Variants in BRWD1 observed in about 807,000 individuals in gnomAD.
BRWD1 encodes bromodomain and WD repeat domain containing 1.
In BRWD1, 82 loss-of-function variants were observed where a neutral mutation model predicts 251.2. The observed-to-expected ratio is 0.33, with a 90% CI of 0.27 to 0.39. The LOEUF (loss-of-function observed/expected upper bound fraction) is 0.39, where lower values mean the gene tolerates loss of function less well. BRWD1 is among the 10% of genes least tolerant of loss of function. The probability of loss-of-function intolerance (pLI) is 1.00; values close to 1 mark genes in which losing one functional copy is unlikely to be tolerated. For synonymous variants in BRWD1, 918 were observed against 902.8 expected, an observed-to-expected ratio of 1.02 and a Z score of -0.30; for missense variants, 2,233 against 2,711.6, an observed-to-expected ratio of 0.82 and a Z score of 3.92.
chr21:39,193,664 A>G lies in BRWD1; in HGVS notation c.*2595T>C, dbSNP rs1007121227. On this transcript the variant is annotated 3_prime_UTR_variant, in exon 41 of 41. Transcript: ENST00000342449. ...TTCAAGTGCAGTGGAAAGGTACAGC[A>G]CTTATTTCTGGATCAGTTCACATTC... 1.2e-5 allele frequency: 12 copies of G among 985,396 alleles called. No individual in the cohort carries two copies. Among genetic ancestry groups the G allele is most frequent in the Non-Finnish European group, 1.4e-5 (12 of 829,714 alleles). 61.0% of individuals were successfully genotyped at this position (985,396 alleles called of 1,614,324 possible). A position where few individuals can be genotyped will look rare whatever the true frequency, so the allele number is the denominator to read the frequency against.
intron 8 of BRWD1, among the ~76,000 whole-genome samples, chr21:39,286,265 G>C (rs1016834999): frequency 6.6e-6 from 1 of 151,814 alleles, no homozygotes; most frequent in Non-Finnish European, 1.5e-5. Flanking sequence ...TGATCTGCCC[G>C]CCTCGGCCTC....
Position 39,206,161 on chromosome 21 carries a change from C to T in BRWD1, c.4311G>A (p.Arg1437=), listed in dbSNP as rs774430452. ...CTTTACAATTTTGCCGTTGCTTGAA[C>T]CTCTGGCTTCTTCGAAGTTTTTCAT... The part of the protein sequence containing the change: ...KFNEKLRRSQ[R]FKQRQNCKGD... Residue 1437 remains arginine, a synonymous_variant, in exon 37 of 41, where the codon AGG becomes AGA. Transcript: ENST00000342449. 1 of 1,613,748 alleles carries T rather than the reference C, an allele frequency of 6.2e-7. No individual in the cohort carries two copies.
At chr21:39,311,589 T>C (rs2036485991) in intron 4 of BRWD1, among the ~76,000 whole-genome samples, 1 of 152,240 alleles carries the variant, frequency 6.6e-6, no homozygotes, top group African/African-American at 2.4e-5. Context: ...AAGGCTATAT[T>C]ATCCGTGAAG....
At position 39,187,545 on chromosome 21, in the gene BRWD1, A is replaced by T; in HGVS notation, c.*8714T>A. The T allele has an allele frequency of 7.2e-7, 1 of 1,397,812 alleles. No individual in the cohort carries two copies. Among genetic ancestry groups the T allele is most frequent in the African/African-American group, 1.5e-5 (1 of 68,434 alleles). The allele number at this position is 1,397,812 out of a possible 1,614,324, so 86.6% of individuals were successfully genotyped here. ...TAAAAGTCATATTGCTAAATGATAA[A>T]TTTTAAAATGTGATACTAAGGGCTT... On this transcript the variant is annotated 3_prime_UTR_variant, in exon 41 of 41. Transcript: ENST00000342449.
intron 18 of BRWD1, among the ~76,000 whole-genome samples, chr21:39,257,245 G>A (rs1289576636): frequency 6.6e-6 from 1 of 151,348 alleles, no homozygotes; most frequent in Non-Finnish European, 1.5e-5. Flanking sequence ...TCTGTGAACT[G>A]ATACGATTTC....
At chr21:39,255,951 T>A in intron 18 of BRWD1, 123 bp from the exon 19 acceptor site, 1 of 874,588 alleles carries the variant, frequency 1.1e-6, no homozygotes, top group Non-Finnish European at 1.7e-6. Flanking sequence ...GAAGATAGTA[T>A]CTACTGAAAA....
chr21:39,194,457 A>T lies in BRWD1; in HGVS notation c.*1802T>A, dbSNP rs1293578377. On this transcript the variant is annotated 3_prime_UTR_variant, in exon 41 of 41. Coordinates refer to ENST00000342449, the MANE Select transcript of BRWD1 (RefSeq NM_033656.4). ...TAGTCAAGGACAATTATCATGAATCAATCTGTTTACTATCTACTTAACACA... is the reference window on the plus strand; with the variant it reads ...TAGTCAAGGACAATTATCATGAATCTATCTGTTTACTATCTACTTAACACA... 6.0e-6 allele frequency: 8 copies of T among 1,341,510 alleles called. No homozygotes were observed. The highest frequency in any genetic ancestry group is 7.6e-6 in the Non-Finnish European group (8 of 1,048,800). 83.1% of individuals were successfully genotyped at this position (1,341,510 alleles called of 1,614,324 possible).
rs146641835 is a variant in BRWD1 at position 39,196,239 on chromosome 21, G to A, written c.*20C>T. 2.0e-5 allele frequency: 31 copies of A among 1,533,874 alleles called. No individual in the cohort carries two copies. The African/African-American group carries it at 3.6e-4, about 18-fold the overall frequency. ...AATGCCAGTCCATTTCCTCTTAAAT[G>A]AACTGGCTTTCCCTCAAGGTCATAA... is the stretch of plus-strand genomic sequence containing the variant. On this transcript the variant is annotated 3_prime_UTR_variant, in exon 41 of 41. Transcript: ENST00000342449.
intron 8 of BRWD1, among the ~76,000 whole-genome samples, chr21:39,291,313 A>G (rs1433206543): frequency 1.3e-5 from 2 of 152,224 alleles, no homozygotes; most frequent in African/African-American, 4.8e-5. Flanking sequence ...AGTTTTCACC[A>G]AATTCTAATG....
chr21:39,313,376 C>CGGGGAGCCGGGGAAGCCGAAGCAGCCG, intron 1 of BRWD1, 67 bp downstream of exon 1: 1 of 1,252,946 alleles, frequency 8.0e-7, no homozygotes, highest in South Asian at 1.5e-5. Context: ...CGGGGGAGCC[C>CGGGGAGCCGGGGAAGCCGAAGCAGCCG]GGGGAGCCGG....
At chr21:39,313,736 T>C (rs11910906), upstream of BRWD1, 226,647 of 380,330 alleles carry the variant, frequency 0.6, 68,453 homozygotes, top group Admixed American at 0.67. Flanking sequence ...CCGGAGCTCG[T>C]GTCCCGCCCG....
chr21:39,276,052 A>T, intron 12 of BRWD1, 121 bp downstream of exon 12: 1 of 796,888 alleles, frequency 1.3e-6, no homozygotes. Context: ...ATAAATAAAT[A>T]AATAATCATA....
Position 39,186,857 on chromosome 21 carries a change from C to G in BRWD1, c.*9402G>C. ...TTCCTCCTCAGAATTCCCCAGAGCA[C>G]ATGTCTGTACAAGAGCTGACTGGGA... On this transcript the variant is annotated 3_prime_UTR_variant, in exon 41 of 41. Transcript: ENST00000342449. 7 of 1,141,372 alleles carry G rather than the reference C, an allele frequency of 6.1e-6. No individual in the cohort carries two copies. Among genetic ancestry groups the G allele is most frequent in the Non-Finnish European group, 7.0e-6 (6 of 853,914 alleles). The allele number at this position is 1,141,372 out of a possible 1,614,324, so 70.7% of individuals were successfully genotyped here.
At chr21:39,236,295 C>T (rs974879966) in intron 23 of BRWD1, among the ~76,000 whole-genome samples, 1 of 152,092 alleles carries the variant, frequency 6.6e-6, no homozygotes, top group Non-Finnish European at 1.5e-5. Context: ...GACAGATGCT[C>T]CCTTCCTTCC....
At chr21:39,309,127 T>C (rs532147625) in intron 4 of BRWD1, among the ~76,000 whole-genome samples, 2 of 150,646 alleles carry the variant, frequency 1.3e-5, no homozygotes, top group East Asian at 3.9e-4. Context: ...TGAGCCGAGA[T>C]CACACCACTG....
intron 13 of BRWD1, 57 bp from the exon 14 acceptor site, chr21:39,270,490 TACA>T (rs2146671925): frequency 7.2e-7 from 1 of 1,384,104 alleles, no homozygotes; most frequent in Non-Finnish European, 9.8e-7. Context: ...ATACAATGTA[TACA>T]ATCTCTCATC....
Position 39,278,770 on chromosome 21 carries a change from G to T in BRWD1, c.976C>A (p.Gln326Lys). Residue 326 changes from glutamine (Q) to lysine (K), a missense_variant, in exon 10 of 41, where the codon CAA becomes AAA. By Grantham distance (53) the Gln-to-Lys change is moderately conservative. Around this residue, in one of 12 missense-constraint regions of BRWD1, gnomAD observed 315 missense variants for 421.8 expected, o/e 0.75. Coordinates refer to ENST00000342449, the MANE Select transcript of BRWD1 (RefSeq NM_033656.4). The part of the protein sequence containing the change: ...KFTEKPRPGV[Q>K]MLCSSFSVGG... ...ACACTAAAAGAAGAACAAAGCATTT[G>T]AACGCCTGGCCTAGGCTTTTCAGTG... 6.3e-7 allele frequency: 1 copy of T among 1,594,070 alleles called. No homozygotes were observed. The highest frequency in any genetic ancestry group is 8.5e-7 in the Non-Finnish European group (1 of 1,173,050).
chr21:39,275,040 GT>G (rs2035236951), intron 12 of BRWD1, among the ~76,000 whole-genome samples: 1 of 150,700 alleles, frequency 6.6e-6, no homozygotes, highest in South Asian at 2.1e-4. Context: ...GCTAGACTCC[GT>G]CTCAAAAAAA....
Position 39,199,416 on chromosome 21 carries a change from G to A in BRWD1, c.5000C>T (p.Ser1667Phe). 6.2e-7 allele frequency: 1 copy of A among 1,614,202 alleles called. No homozygotes were observed. The highest frequency in any genetic ancestry group is 8.5e-7 in the Non-Finnish European group (1 of 1,180,044). The change falls in exon 40 of 41, where the codon TCT becomes TTT. Residue 1667 changes from serine (S) to phenylalanine (F), a missense_variant. Physicochemically the swap from Ser to Phe is radical, Grantham distance 155 (BLOSUM62 -2). Transcript: ENST00000342449. ...SGRKLPHRNA[S>F]AVARKKLLHN... ...TAATAACTTTTTTCTAGCTACAGCA[G>A]AAGCATTGCGGTGAGGCAGCTTCCG...
Sources: gnomAD v4.1 joint callset for allele counts (sites outside exome capture counted in the v4.1 genomes callset) on GRCh38, gnomAD v4.1.1 for gene constraint, gnomAD v4.1.1 regional missense constraint, MANE v1.5 for transcripts, NCBI Gene and HGNC (gene_info 2026-07-23, HGNC 2026-07-21) for gene names.